The following EIF4G3 variants were observed in gnomAD, a reference collection of about 807,000 sequenced individuals.
EIF4G3 encodes the protein eIF-4-gamma 3.
In EIF4G3, 34 loss-of-function variants were observed where a neutral mutation model predicts 186.4. The ratio of observed to expected loss-of-function variants is 0.18; its 90% CI spans 0.14 to 0.24. EIF4G3 has a LOEUF of 0.24. Among genes scored for constraint, EIF4G3 ranks in the 10% least tolerant of loss-of-function variants. The pLI, the probability that EIF4G3 is intolerant of heterozygous loss-of-function variation, is 1.00. For missense variants in EIF4G3, 1,536 were observed against 1,948.5 expected, an observed-to-expected ratio of 0.79 and a Z score of 3.99; for synonymous variants, 673 against 679.5, an observed-to-expected ratio of 0.99 and a Z score of 0.15.
At chr1:21,040,800 G>A (rs1161951462) in intron 4 of EIF4G3, among the ~76,000 whole-genome samples, 2 of 152,128 alleles carry the variant, frequency 1.3e-5, no homozygotes, top group Non-Finnish European at 2.9e-5. Context: ...AGGCAGACAA[G>A]ACTGAAAACC....
intron 2 of EIF4G3, among the ~76,000 whole-genome samples, chr1:21,120,527 A>T (rs1001959657): frequency 1.3e-5 from 2 of 151,688 alleles, no homozygotes; most frequent in South Asian, 4.2e-4. Flanking sequence ...ACTTGAGCAG[A>T]AGGCAGGAGA....
At chr1:21,091,843 G>C (rs1012081929) in intron 2 of EIF4G3, among the ~76,000 whole-genome samples, 2 of 152,198 alleles carry the variant, frequency 1.3e-5, no homozygotes, top group Non-Finnish European at 2.9e-5. Context: ...CATTGATTTT[G>C]TATCCTGAGA....
intron 4 of EIF4G3, among the ~76,000 whole-genome samples, chr1:21,040,909 G>T (rs968710385): frequency 6.6e-6 from 1 of 151,946 alleles, no homozygotes; most frequent in Non-Finnish European, 1.5e-5. Flanking sequence ...CAAGGCAAAC[G>T]TCACCCTGTA....
At chr1:20,895,040 G>A (rs891982335) in intron 17 of EIF4G3, among the ~76,000 whole-genome samples, 13 of 151,758 alleles carry the variant, frequency 8.6e-5, no homozygotes, top group South Asian at 6.2e-4. Flanking sequence ...AGAACAATGA[G>A]GAAAGACCTC....
chr1:21,168,887 G>T (rs1217425197), intron 2 of EIF4G3, among the ~76,000 whole-genome samples: 2 of 152,102 alleles, frequency 1.3e-5, no homozygotes, highest in Non-Finnish European at 2.9e-5. Flanking sequence ...TGTTAAAAGT[G>T]GTTATCACAG....
intron 7 of EIF4G3, among the ~76,000 whole-genome samples, chr1:20,994,923 A>G (rs2081964334): frequency 6.6e-6 from 1 of 152,042 alleles, no homozygotes; most frequent in African/African-American, 2.4e-5. Flanking sequence ...GCAGGCATCA[A>G]ACACCGCATC....
intron 4 of EIF4G3, among the ~76,000 whole-genome samples, chr1:21,031,432 G>C (rs990214821): frequency 6.7e-6 from 1 of 149,930 alleles, no homozygotes; most frequent in Admixed American, 6.7e-5. Flanking sequence ...ATGCATTTTC[G>C]GCACAAGGGT....
rs2078219894 is a variant in EIF4G3 at position 20,868,536 on chromosome 1, TA to T, written c.2623-3275del. Among the ~76,000 whole-genome samples, 3 of 152,166 alleles carry T rather than the reference TA, an allele frequency of 2.0e-5. No individual in the cohort carries two copies. The South Asian group carries it at 6.2e-4, about 32-fold the overall frequency. On this transcript the variant is annotated intron_variant, in intron 20 of 36. Coordinates refer to ENST00000602326, the MANE Select transcript of EIF4G3 (RefSeq NM_001391906.1). ...CACCCACCTCCTAATGTAATTATAGTAAGAGTCAGGGCTTCAAACTATGATT... is the reference window on the plus strand; with the variant it reads ...CACCCACCTCCTAATGTAATTATAGTAGAGTCAGGGCTTCAAACTATGATT...
intron 14 of EIF4G3, among the ~76,000 whole-genome samples, chr1:20,905,569 C>T (rs2091831967): frequency 6.6e-6 from 1 of 152,050 alleles, no homozygotes; most frequent in Non-Finnish European, 1.5e-5. Flanking sequence ...AGAGTGAAAA[C>T]TAAGAAAATA....
At chr1:21,028,933 G>A (rs1463364119) in intron 4 of EIF4G3, among the ~76,000 whole-genome samples, 2 of 152,134 alleles carry the variant, frequency 1.3e-5, no homozygotes, top group African/African-American at 4.8e-5. Flanking sequence ...TTGCCCAAGC[G>A]GGAGTTCATG....
chr1:20,816,045 G>A (rs2060686787), intron 34 of EIF4G3, among the ~76,000 whole-genome samples: 1 of 107,654 alleles, frequency 9.3e-6, no homozygotes, highest in Admixed American at 8.1e-5. Flanking sequence ...CGTCCGGGAG[G>A]GAGGAGGGGG....
intron 19 of EIF4G3, among the ~76,000 whole-genome samples, chr1:20,880,210 A>C (rs1221250969): frequency 2.0e-5 from 3 of 152,206 alleles, no homozygotes; most frequent in African/African-American, 4.8e-5. Context: ...AAGCAAAGAA[A>C]AAGCAATAAA....
chr1:21,144,203 A>G (rs1349380662), intron 2 of EIF4G3, among the ~76,000 whole-genome samples: 1 of 152,200 alleles, frequency 6.6e-6, no homozygotes, highest in Non-Finnish European at 1.5e-5. Context: ...TTTGGGAGAT[A>G]ACATCCCTCC....
At chr1:20,996,044 T>C (rs1227717221) in intron 7 of EIF4G3, among the ~76,000 whole-genome samples, 3 of 152,250 alleles carry the variant, frequency 2.0e-5, no homozygotes, top group African/African-American at 4.8e-5. Flanking sequence ...CATGCTTCTA[T>C]GGCACTGGAC....
At chr1:21,097,137 A>G (rs2096393423) in intron 2 of EIF4G3, among the ~76,000 whole-genome samples, 1 of 152,244 alleles carries the variant, frequency 6.6e-6, no homozygotes, top group Non-Finnish European at 1.5e-5. Context: ...GATTCTTCTA[A>G]GTTTGGCTTT....
chr1:21,138,495 C>G (rs2097285560), intron 2 of EIF4G3, among the ~76,000 whole-genome samples: 2 of 152,102 alleles, frequency 1.3e-5, no homozygotes, highest in South Asian at 4.1e-4. Context: ...ACAGACCAAA[C>G]CAAAGGAAAT....
At chr1:21,079,558 T>C (rs1452478491) in intron 3 of EIF4G3, among the ~76,000 whole-genome samples, 2 of 147,544 alleles carry the variant, frequency 1.4e-5, no homozygotes, top group Non-Finnish European at 3.0e-5. Flanking sequence ...ATGATGTACA[T>C]CTGTAGTCCT....
At chr1:21,129,158 C>CA (rs1239155077) in intron 2 of EIF4G3, among the ~76,000 whole-genome samples, 12 of 151,476 alleles carry the variant, frequency 7.9e-5, no homozygotes, top group Admixed American at 7.9e-4. Flanking sequence ...ACTAAAAATA[C>CA]AAAAAAATTA....
intron 14 of EIF4G3, among the ~76,000 whole-genome samples, chr1:20,928,016 C>T (rs1558279953): frequency 2.6e-5 from 4 of 152,010 alleles, no homozygotes; most frequent in African/African-American, 7.3e-5. Flanking sequence ...CACCACCATG[C>T]TTGGCTAATT....
Sources: allele counts gnomAD v4.1 joint callset (sites outside exome capture counted in the v4.1 genomes callset), GRCh38; gene constraint gnomAD v4.1.1; transcripts MANE v1.5; gene names NCBI Gene and HGNC (gene_info 2026-07-23, HGNC 2026-07-21).